Variants in NRCAM observed in about 807,000 individuals in gnomAD.
The protein encoded by NRCAM is NgCAM-related cell adhesion molecule.
In NRCAM, 83 loss-of-function variants were observed where a neutral mutation model predicts 156.5. That is an observed-to-expected ratio of 0.53 (90% CI 0.44 to 0.64). NRCAM has a LOEUF of 0.64. NRCAM is among the 30% of genes least tolerant of loss of function. The pLI is 0.00. For missense variants in NRCAM, 1,417 were observed against 1,597.3 expected (o/e 0.89, Z 1.92); for synonymous variants, 538 against 563.9 (o/e 0.95, Z 0.65).
At chr7:108,240,746 T>C (rs1350782857) in intron 3 of NRCAM, among the ~76,000 whole-genome samples, 1 of 152,172 alleles carries the variant, frequency 6.6e-6, no homozygotes, top group Non-Finnish European at 1.5e-5. Context: ...TGATTAATTT[T>C]TTCTACAAGG....
chr7:108,329,905 G>A (rs1239263473), intron 2 of NRCAM, among the ~76,000 whole-genome samples: 2 of 152,220 alleles, frequency 1.3e-5, no homozygotes, highest in South Asian at 4.1e-4. Flanking sequence ...ATCATTTTCT[G>A]ATTTTCATTC....
intron 1 of NRCAM, among the ~76,000 whole-genome samples, chr7:108,439,388 A>G (rs1835899641): frequency 6.6e-6 from 1 of 152,196 alleles, no homozygotes; most frequent in Non-Finnish European, 1.5e-5. Context: ...AACAAACTCA[A>G]TAATCAGAAG....
Position 108,149,642 on chromosome 7 carries a change from G to A in NRCAM, c.*268C>T, listed in dbSNP as rs896006125. ...CTGTATCCTGCAGAGGAAATAACAG[G>A]ATCTGTTGGTGATGTTGCATTATTT... On this transcript the variant is annotated 3_prime_UTR_variant, in exon 33 of 33. Coordinates refer to ENST00000379028, the MANE Select transcript of NRCAM (RefSeq NM_001037132.4). 15 of 462,424 alleles carry A rather than the reference G, an allele frequency of 3.2e-5. No homozygotes were observed. Among genetic ancestry groups the A allele is most frequent in the Non-Finnish European group, 5.7e-5 (15 of 262,562 alleles). The allele number at this position is 462,424 out of a possible 1,614,324, so 28.6% of individuals were successfully genotyped here.
At chr7:108,411,227 G>A (rs78590634) in intron 1 of NRCAM, among the ~76,000 whole-genome samples, 9,111 of 151,594 alleles carry the variant, frequency 0.06, 290 homozygotes, top group East Asian at 0.11. Context: ...TTTTTCTTAA[G>A]CACTAACATG....
At chr7:108,415,107 C>G (rs903214367) in intron 1 of NRCAM, among the ~76,000 whole-genome samples, 5 of 152,214 alleles carry the variant, frequency 3.3e-5, no homozygotes, top group African/African-American at 1.2e-4. Flanking sequence ...TTCTCCCACA[C>G]CCTCCATCAC....
chr7:108,178,263 A>T, intron 25 of NRCAM, 151 bp from the exon 26 acceptor site: 2 of 647,808 alleles, frequency 3.1e-6, no homozygotes, highest in South Asian at 4.2e-5. Flanking sequence ...CAAACCTGTG[A>T]CAGGCACCCA....
chr7:108,161,854 G>A (rs943170994), intron 30 of NRCAM, among the ~76,000 whole-genome samples: 2 of 152,090 alleles, frequency 1.3e-5, no homozygotes, highest in African/African-American at 4.8e-5. Context: ...ACAAGTCAAA[G>A]GCTGGTAGCC....
intron 3 of NRCAM, among the ~76,000 whole-genome samples, chr7:108,275,844 C>A (rs1022086767): frequency 2.6e-5 from 4 of 152,146 alleles, no homozygotes; most frequent in African/African-American, 9.7e-5. Flanking sequence ...GATTTTAGAT[C>A]TTTCCTGCTT....
chr7:108,326,631 G>A (rs1028550859), intron 2 of NRCAM, among the ~76,000 whole-genome samples: 1 of 152,160 alleles, frequency 6.6e-6, no homozygotes, highest in Non-Finnish European at 1.5e-5. Context: ...TGAAAAGAAG[G>A]AAGACGTGGC....
intron 2 of NRCAM, among the ~76,000 whole-genome samples, chr7:108,376,512 G>A (rs1043672980): frequency 2.0e-5 from 3 of 152,126 alleles, no homozygotes; most frequent in Non-Finnish European, 4.4e-5. Flanking sequence ...GCCCTCCTGA[G>A]AAGAGTTAGT....
In NRCAM at chr7:108,180,415, T is replaced by A; in HGVS notation, c.2659A>T (p.Lys887Ter). The A allele has an allele frequency of 6.2e-7, 1 of 1,613,962 alleles. No individual in the cohort carries two copies. The highest frequency in any genetic ancestry group is 8.5e-7 in the Non-Finnish European group (1 of 1,179,816). The change falls in exon 25 of 33, where the codon AAG becomes TAG. Residue 887 changes from lysine to a stop codon, truncating the protein, a stop_gained. Coordinates refer to ENST00000379028, the MANE Select transcript of NRCAM (RefSeq NM_001037132.4). LOFTEE classifies it high-confidence loss of function. Reference protein sequence around the residue: ...HLQGYRIYYWKTQSSSKRNRR... With the variant: ...HLQGYRIYYW ...TTTCTTTTAGATGAACTCTGGGTCT[T>A]CCAATAGTAAATCTGAAACAGCAAG...
intron 8 of NRCAM, among the ~76,000 whole-genome samples, 153 bp from the exon 9 acceptor site, chr7:108,226,531 A>G (rs1265433512): frequency 2.3e-4 from 1 of 4,334 alleles, no homozygotes; most frequent in Admixed American, 4.0e-3. Flanking sequence ...AAATAACTGT[A>G]AAAAAAAAAA....
intron 32 of NRCAM, chr7:108,156,190 G>T: frequency 6.6e-6 from 3 of 455,736 alleles, no homozygotes; most frequent in Non-Finnish European, 8.7e-6. Context: ...GACACATCTT[G>T]GCATCATTCA....
At chr7:108,178,351 G>C in intron 25 of NRCAM, 1 of 489,882 alleles carries the variant, frequency 2.0e-6, no homozygotes. Context: ...AACACATAAT[G>C]ACTTTGCCTT....
chr7:108,442,497 C>A (rs1839765830), intron 1 of NRCAM, among the ~76,000 whole-genome samples: 3 of 152,274 alleles, frequency 2.0e-5, no homozygotes, highest in Admixed American at 2.0e-4. Context: ...AAGATGTATT[C>A]TGTTGTCCAG....
intron 3 of NRCAM, among the ~76,000 whole-genome samples, chr7:108,304,161 T>C (rs761973625): frequency 6.6e-5 from 10 of 152,198 alleles, no homozygotes; most frequent in Non-Finnish European, 1.3e-4. Flanking sequence ...ATACCATGCT[T>C]ATCTCCCTCC....
At chr7:108,189,336 C>G (rs992496450) in intron 20 of NRCAM, among the ~76,000 whole-genome samples, 1 of 152,146 alleles carries the variant, frequency 6.6e-6, no homozygotes, top group African/African-American at 2.4e-5. Flanking sequence ...AAATAAACAA[C>G]TAACTTAAGG....
At chr7:108,280,934 T>C (rs572221195) in intron 3 of NRCAM, among the ~76,000 whole-genome samples, 4 of 152,194 alleles carry the variant, frequency 2.6e-5, no homozygotes, top group Non-Finnish European at 4.4e-5. Context: ...AGGAAGGTAT[T>C]CAATATTTAA....
At chr7:108,164,343 T>C (rs539800645) in intron 30 of NRCAM, among the ~76,000 whole-genome samples, 1 of 152,088 alleles carries the variant, frequency 6.6e-6, no homozygotes, top group African/African-American at 2.4e-5. Context: ...TTAAGAAATA[T>C]ACCTTAGAAA....
Sources: allele counts gnomAD v4.1 joint callset (sites outside exome capture counted in the v4.1 genomes callset), GRCh38; gene constraint gnomAD v4.1.1; transcripts MANE v1.5; gene names NCBI Gene and HGNC (gene_info 2026-07-23, HGNC 2026-07-21).